Variants in CBFA2T2 observed in about 807,000 individuals in gnomAD.
CBFA2T2 encodes CBFA2/RUNX1 partner transcriptional co-repressor 2, also known as protein CBFA2T2.
CBFA2T2 carries 11 observed loss-of-function variants against 62.2 expected under a neutral mutation model. The observed-to-expected ratio is 0.18, with a 90% CI of 0.11 to 0.29. The LOEUF (loss-of-function observed/expected upper bound fraction) is 0.29, where lower values mean the gene tolerates loss of function less well. CBFA2T2 is among the 10% of genes least tolerant of loss of function. The pLI is 1.00. For synonymous variants in CBFA2T2, 295 were observed against 287.5 expected, an observed-to-expected ratio of 1.03 and a Z score of -0.27; for missense variants, 592 against 774.1, an observed-to-expected ratio of 0.76 and a Z score of 2.79.
At chr20:33,628,545 T>C (rs2016336197) in intron 7 of CBFA2T2, 110 bp downstream of exon 7, 1 of 727,136 alleles carries the variant, frequency 1.4e-6, no homozygotes, top group African/African-American at 1.8e-5. Flanking sequence ...CTCAGTTCAC[T>C]GCAACTTCTG....
intron 1 of CBFA2T2, among the ~76,000 whole-genome samples, chr20:33,504,741 A>C (rs530029862): frequency 5.9e-5 from 9 of 152,166 alleles, no homozygotes; most frequent in Non-Finnish European, 1.3e-4. Context: ...AATGTTTTCC[A>C]AAATGGCTAT....
At chr20:33,507,649 G>A (rs775538317) in intron 1 of CBFA2T2, among the ~76,000 whole-genome samples, 3 of 151,928 alleles carry the variant, frequency 2.0e-5, no homozygotes, top group Non-Finnish European at 4.4e-5. Flanking sequence ...ATATAATGTC[G>A]GTAGGTAAAG....
chr20:33,537,425 G>A (rs974571822), intron 1 of CBFA2T2, among the ~76,000 whole-genome samples: 2 of 152,236 alleles, frequency 1.3e-5, no homozygotes, highest in East Asian at 1.9e-4. Context: ...GCAGTGAGCC[G>A]AGATGGCAGC....
intron 1 of CBFA2T2, among the ~76,000 whole-genome samples, chr20:33,550,864 C>T (rs1040216636): frequency 6.6e-6 from 1 of 151,776 alleles, no homozygotes; most frequent in Non-Finnish European, 1.5e-5. Context: ...TCAGGTGATC[C>T]GTCCCCTCTC....
Position 33,490,163 on chromosome 20 carries a change from G to A in CBFA2T2, c.-105G>A, listed in dbSNP as rs2011135514. 1.8e-6 allele frequency: 2 copies of A among 1,128,038 alleles called. No homozygotes were observed. Among genetic ancestry groups the A allele is most frequent in the Non-Finnish European group, 2.2e-6 (2 of 904,966 alleles). 69.9% of individuals were successfully genotyped at this position (1,128,038 alleles called of 1,614,324 possible). A position where few individuals can be genotyped will look rare whatever the true frequency, so the allele number is the denominator to read the frequency against. ...TTAGCTCGGCGGCTGCAGATCTCGC[G>A]GCGACGCCTGCGAGGGACCCGGGCC... is the stretch of plus-strand genomic sequence containing the variant. On this transcript the variant is annotated 5_prime_UTR_variant, in exon 1 of 11. Coordinates refer to ENST00000342704, the MANE Select transcript of CBFA2T2 (RefSeq NM_001032999.3).
chr20:33,607,882 CTAA>C (rs1312177842), intron 2 of CBFA2T2, among the ~76,000 whole-genome samples: 1 of 152,108 alleles, frequency 6.6e-6, no homozygotes, highest in Non-Finnish European at 1.5e-5. Flanking sequence ...ATTATGTTAG[CTAA>C]TAATATATGT....
intron 1 of CBFA2T2, among the ~76,000 whole-genome samples, chr20:33,536,084 C>T (rs1263483148): frequency 2.0e-5 from 3 of 152,236 alleles, no homozygotes; most frequent in Admixed American, 1.3e-4. Context: ...TACACAGACA[C>T]GGCAACCATC....
intron 1 of CBFA2T2, among the ~76,000 whole-genome samples, chr20:33,520,680 G>A (rs2011703750): frequency 6.6e-6 from 1 of 152,054 alleles, no homozygotes; most frequent in Admixed American, 6.6e-5. Context: ...TTGAGCCAGA[G>A]AATTGCTTGG....
chr20:33,620,300 G>T (rs1025919469), intron 4 of CBFA2T2, among the ~76,000 whole-genome samples: 1 of 151,690 alleles, frequency 6.6e-6, no homozygotes, highest in Non-Finnish European at 1.5e-5. Flanking sequence ...ATGAGCTCAG[G>T]AGTTCAAGAC....
chr20:33,498,819 G>A (rs887930673), intron 1 of CBFA2T2, among the ~76,000 whole-genome samples: 1 of 151,842 alleles, frequency 6.6e-6, no homozygotes, highest in African/African-American at 2.4e-5. Flanking sequence ...GAGGCGGGCG[G>A]ATCACCTGAG....
chr20:33,588,698 G>A lies in CBFA2T2; in HGVS notation c.35-18258G>A, dbSNP rs546047377. 2.1e-4 allele frequency among the ~76,000 whole-genome samples: 32 copies of A among 152,314 alleles called. 2 individuals carry two copies. The South Asian group carries it at 6.6e-3, about 32-fold the overall frequency. On this transcript the variant is annotated intron_variant, in intron 1 of 10. Transcript: ENST00000342704. ...ATGGTGGCTCACGCCTGTAATCCCA[G>A]CACTTTGGGAAGCTGAGCCAGGTGT... is the stretch of plus-strand genomic sequence containing the variant.
At chr20:33,579,124 T>TG (rs1423102872) in intron 1 of CBFA2T2, among the ~76,000 whole-genome samples, 3 of 151,388 alleles carry the variant, frequency 2.0e-5, no homozygotes, top group Non-Finnish European at 2.9e-5. Context: ...TGTTTTTTTT[T>TG]TTTTTTAAGG....
intron 1 of CBFA2T2, among the ~76,000 whole-genome samples, chr20:33,535,817 C>A (rs1448554529): frequency 6.6e-6 from 1 of 151,860 alleles, no homozygotes. Flanking sequence ...GACCCTGCGG[C>A]CTTCCGCAGT....
At position 33,637,966 on chromosome 20, in the gene CBFA2T2, C is replaced by CTT. The variant is rs67124335; in HGVS notation, c.1297+1283_1297+1284dup. ...ACAGACGTGAGCCACTGCACCCGGC[C>CTT]TTTTTTTTTTTTTTTTTTTTTTTTT... is the stretch of plus-strand genomic sequence containing the variant. On this transcript the variant is annotated intron_variant, in intron 9 of 10. Coordinates refer to ENST00000342704, the MANE Select transcript of CBFA2T2 (RefSeq NM_001032999.3). 3.2e-3 allele frequency among the ~76,000 whole-genome samples: 211 copies of CTT among 66,796 alleles called. 36 individuals are homozygous for CTT. The highest frequency in any genetic ancestry group is 0.015 in the African/African-American group (178 of 11,774). The allele number at this position is 66,796 out of a possible 152,430, so 43.8% of individuals were successfully genotyped here.
chr20:33,596,932 T>G (rs1037920722), intron 1 of CBFA2T2, among the ~76,000 whole-genome samples: 9 of 151,284 alleles, frequency 5.9e-5, no homozygotes, highest in Non-Finnish European at 1.0e-4. Flanking sequence ...TTTTTTTTTT[T>G]TTTTTCTTTC....
At chr20:33,514,602 G>A (rs974054679) in intron 1 of CBFA2T2, among the ~76,000 whole-genome samples, 4 of 152,072 alleles carry the variant, frequency 2.6e-5, no homozygotes, top group Admixed American at 2.6e-4. Context: ...GTCATGGTAA[G>A]GATTTTGGAT....
Position 33,624,952 on chromosome 20 carries a change from A to G in CBFA2T2, c.881A>G (p.His294Arg). 1.2e-6 allele frequency: 2 copies of G among 1,614,032 alleles called. No individual in the cohort carries two copies. The highest frequency in any genetic ancestry group is 2.2e-5 in the East Asian group (1 of 44,876). The change falls in exon 6 of 11, where the codon CAC becomes CGC. Residue 294 changes from histidine (H) to arginine (R), a missense_variant. Physicochemically the swap from His to Arg is conservative, Grantham distance 29. Around this residue, in one of 3 missense-constraint regions of CBFA2T2, gnomAD observed 449 missense variants for 551.2 expected, o/e 0.81. Transcript: ENST00000342704. ...ACCTTAGAGGATATTGCAACTTCTC[A>G]CCTGTATCGGGAACCCAACAAGATG... ...HYTLEDIATS[H>R]LYREPNKMLE...
intron 1 of CBFA2T2, among the ~76,000 whole-genome samples, chr20:33,584,549 G>A (rs1344270581): frequency 2.0e-5 from 3 of 152,022 alleles, no homozygotes; most frequent in African/African-American, 4.8e-5. Flanking sequence ...GAGCCACCGC[G>A]CCCGGCCTTA....
Position 33,498,920 on chromosome 20 carries a change from A to G in CBFA2T2, c.34+8619A>G, listed in dbSNP as rs544177363. Among the ~76,000 whole-genome samples the G allele has an allele frequency of 3.0e-4, 45 of 151,990 alleles. No individual in the cohort carries two copies. The East Asian group carries it at 8.2e-3, about 28-fold the overall frequency. On this transcript the variant is annotated intron_variant, in intron 1 of 10. Transcript: ENST00000342704. ...TAGCCAGGTATGGTGGTGGGTGCCT[A>G]TCATCTCAGCTACTCAGGAGGCTGA...
Sources: allele counts gnomAD v4.1 joint callset (sites outside exome capture counted in the v4.1 genomes callset), GRCh38; gene constraint gnomAD v4.1.1; regional missense constraint gnomAD v4.1.1; transcripts MANE v1.5; gene names NCBI Gene and HGNC (gene_info 2026-07-23, HGNC 2026-07-21).